The following FAM78B variants were observed in gnomAD, a reference collection of about 807,000 sequenced individuals.
FAM78B encodes the protein protein FAM78B.
Under a neutral mutation model 20.0 loss-of-function variants are expected in FAM78B, and 10 were observed. The ratio of observed to expected loss-of-function variants is 0.50; its 90% CI spans 0.31 to 0.85. The LOEUF (loss-of-function observed/expected upper bound fraction) is 0.85. Ranked by LOEUF, FAM78B falls within the 40% of genes least tolerant of loss-of-function variation. The pLI is 0.05. For missense variants in FAM78B, 283 were observed against 345.0 expected, an observed-to-expected ratio of 0.82 and a Z score of 1.42; for synonymous variants, 135 against 132.8, an observed-to-expected ratio of 1.02 and a Z score of -0.12.
chr1:166,125,404 G>A (rs1045289899), intron 1 of FAM78B, among the ~76,000 whole-genome samples: 1 of 152,096 alleles, frequency 6.6e-6, no homozygotes, highest in South Asian at 2.1e-4. Flanking sequence ...TAAGAGGGAG[G>A]GACTGCAATC....
At chr1:166,113,071 C>T (rs1178180795) in intron 1 of FAM78B, among the ~76,000 whole-genome samples, 4 of 145,774 alleles carry the variant, frequency 2.7e-5, no homozygotes. Context: ...CTCAGCTATG[C>T]TGTCTGATGG....
At chr1:166,059,349 G>C (rs984088142) in exon 3 of FAM78B, 2 of 152,532 alleles carry the variant, frequency 1.3e-5, no homozygotes, top group Non-Finnish European at 2.9e-5. Context: ...GGGAAGTAGA[G>C]ATGAAAGAAT....
intron 1 of FAM78B, among the ~76,000 whole-genome samples, chr1:166,130,753 A>G (rs6676037): frequency 0.068 from 10,280 of 152,270 alleles, 444 homozygotes; most frequent in East Asian, 0.12. Flanking sequence ...TGCCCAAGAT[A>G]GAACAACTAT....
rs1208226609 is a variant in FAM78B, at chr1:166,109,846, A to ATGTG, written c.264-39084_264-39083insCACA. On this transcript the variant is annotated intron_variant, in intron 1 of 1. Coordinates refer to ENST00000354422, the MANE Select transcript of FAM78B (RefSeq NM_001017961.5). The stretch of plus-strand genomic sequence containing the variant: ...TATATATATATGTATATATGTATAT[A>ATGTG]TATATATATATATATGTATGTGTAT... Among the ~76,000 whole-genome samples, 191 of 25,828 alleles carry ATGTG rather than the reference A, an allele frequency of 7.4e-3. 16 individuals are homozygous for ATGTG. The highest frequency in any genetic ancestry group is 0.02 in the African/African-American group (176 of 9,014). 16.9% of individuals were successfully genotyped at this position (25,828 alleles called of 152,430 possible).
intron 1 of FAM78B, among the ~76,000 whole-genome samples, chr1:166,126,318 A>G (rs945536380): frequency 1.3e-5 from 2 of 152,324 alleles, no homozygotes; most frequent in Admixed American, 1.3e-4. Flanking sequence ...GACACTTGGG[A>G]AACAGCAGTG....
chr1:166,149,090 TGCC>T (rs1350433057), intron 1 of FAM78B, among the ~76,000 whole-genome samples: 2 of 152,142 alleles, frequency 1.3e-5, no homozygotes, highest in African/African-American at 4.8e-5. Context: ...TTGTGAATAA[TGCC>T]GCAATAAACA....
chr1:166,165,816 C>CT (rs1367966162), intron 1 of FAM78B, among the ~76,000 whole-genome samples, 170 bp downstream of exon 1: 5 of 152,142 alleles, frequency 3.3e-5, no homozygotes, highest in Non-Finnish European at 7.4e-5. Context: ...TACACCCGCC[C>CT]TGTCACTGAA....
downstream of FAM78B, among the ~76,000 whole-genome samples, chr1:166,066,438 C>G (rs1364943705): frequency 2.0e-5 from 3 of 152,098 alleles, no homozygotes; most frequent in Admixed American, 6.5e-5. Flanking sequence ...CCTTTCCTTC[C>G]TTTTCTTTTG....
rs183882320 is a variant in FAM78B at position 166,076,753 on chromosome 1, G to A, written c.264-5990C>T. 4.7e-4 allele frequency among the ~76,000 whole-genome samples: 72 copies of A among 152,334 alleles called. 1 individual carries two copies. Among genetic ancestry groups the A allele is most frequent in the Non-Finnish European group, 7.3e-4 (50 of 68,030 alleles). On this transcript the variant is annotated intron_variant, in intron 1 of 1. Transcript: ENST00000354422. Reference sequence around the variant, plus strand: ...AATACATATCAAATTGATCTGAAGTGAAAGATGAGTGGAGACCATGAATTT... The same window carrying A: ...AATACATATCAAATTGATCTGAAGTAAAAGATGAGTGGAGACCATGAATTT...
chr1:166,070,641 T>G lies in FAM78B; in HGVS notation c.386A>C (p.Asn129Thr). 1.2e-6 allele frequency: 2 copies of G among 1,613,752 alleles called. No homozygotes were observed. Among genetic ancestry groups the G allele is most frequent in the Admixed American group, 1.7e-5 (1 of 60,022 alleles). ...GCTGACGGAGAACCTGGAGATCTTG[T>G]TGGTGGGGCCAACCAGGGTCACAGT... is the stretch of plus-strand genomic sequence containing the variant. ...TETVTLVGPT[N>T]KISRFSVSMN... Residue 129 changes from asparagine (N) to threonine (T), a missense_variant, in exon 2 of 2, where the codon AAC (asparagine) becomes ACC (threonine). Asn to Thr is a moderately conservative substitution (Grantham distance 65). Coordinates refer to ENST00000354422, the MANE Select transcript of FAM78B (RefSeq NM_001017961.5).
chr1:166,061,096 AG>A (rs1366631675), intron 2 of FAM78B, among the ~76,000 whole-genome samples: 2 of 152,188 alleles, frequency 1.3e-5, no homozygotes, highest in Non-Finnish European at 2.9e-5. Context: ...ACCACGACTG[AG>A]CTAAAACTTA....
intron 1 of FAM78B, among the ~76,000 whole-genome samples, chr1:166,116,202 G>A (rs570276863): frequency 1.1e-4 from 16 of 152,340 alleles, no homozygotes; most frequent in Non-Finnish European, 1.9e-4. Context: ...TTTCTCCGCT[G>A]TTTAACTGGG....
chr1:166,074,436 A>G (rs1255111388), intron 1 of FAM78B, among the ~76,000 whole-genome samples: 1 of 152,190 alleles, frequency 6.6e-6, no homozygotes, highest in African/African-American at 2.4e-5. Flanking sequence ...AACGATCTGT[A>G]TGTCTTTCTC....
chr1:166,073,534 CTCTTTTT>C (rs1652137718), intron 1 of FAM78B, among the ~76,000 whole-genome samples: 1 of 134,174 alleles, frequency 7.5e-6, no homozygotes, highest in African/African-American at 2.9e-5. Flanking sequence ...TTCTCTTTCT[CTCTTTTT>C]TTTTTTTTTT....
intron 1 of FAM78B, among the ~76,000 whole-genome samples, chr1:166,088,217 T>C (rs1652912677): frequency 6.6e-6 from 1 of 152,196 alleles, no homozygotes; most frequent in Non-Finnish European, 1.5e-5. Flanking sequence ...CTCTGGAACC[T>C]CACGCTCTTT....
At chr1:166,125,041 A>G (rs1366867044) in intron 1 of FAM78B, among the ~76,000 whole-genome samples, 2 of 152,196 alleles carry the variant, frequency 1.3e-5, no homozygotes, top group Admixed American at 6.5e-5. Context: ...GGCTTCTCCT[A>G]TGGTCAACTG....
Position 166,166,211 on chromosome 1 carries a change from A to T in FAM78B, c.38T>A (p.Ile13Asn). The T allele has an allele frequency of 1.3e-6, 2 of 1,568,524 alleles. No homozygotes were observed. Among genetic ancestry groups the T allele is most frequent in the East Asian group, 2.3e-5 (1 of 42,808 alleles). ...CIQSITCKAR[I>N]RRENIVVYDV... ...GTACACCACGATGTTCTCGCGCCGG[A>T]TCCGCGCCTTGCAGGTGATGCTTTG... Residue 13 changes from isoleucine to asparagine, a missense_variant, in exon 1 of 2, where the codon ATC (isoleucine) becomes AAC (asparagine). Physicochemically the swap from Ile to Asn is moderately radical, Grantham distance 149. Transcript: ENST00000354422.
chr1:166,098,057 C>G (rs997808150), intron 1 of FAM78B, among the ~76,000 whole-genome samples: 2 of 152,206 alleles, frequency 1.3e-5, no homozygotes, highest in African/African-American at 2.4e-5. Flanking sequence ...TCACAGGACT[C>G]TGTGTAGACA....
intron 1 of FAM78B, among the ~76,000 whole-genome samples, chr1:166,107,887 G>A (rs561972507): frequency 3.3e-5 from 5 of 152,098 alleles, no homozygotes; most frequent in Non-Finnish European, 5.9e-5. Flanking sequence ...AATTAAAAAC[G>A]AAAATCACAT....
Sources: gnomAD v4.1 joint callset for allele counts (sites outside exome capture counted in the v4.1 genomes callset) on GRCh38, gnomAD v4.1.1 for gene constraint, MANE v1.5 for transcripts, NCBI Gene and HGNC (gene_info 2026-07-23, HGNC 2026-07-21) for gene names.